The following PARP4 variants were observed in gnomAD, a reference collection of about 807,000 sequenced individuals.
The protein encoded by PARP4 is protein mono-ADP-ribosyltransferase PARP4.
In PARP4, 120 loss-of-function variants were observed where a neutral mutation model predicts 187.7. That is an observed-to-expected ratio of 0.64 (90% CI 0.55 to 0.74). PARP4 has a LOEUF of 0.74. Ranked by LOEUF, PARP4 falls within the 30% of genes least tolerant of loss-of-function variation. The probability of loss-of-function intolerance (pLI) is 0.00; values close to 1 mark genes in which losing one functional copy is unlikely to be tolerated. For missense variants in PARP4, 1,836 were observed against 2,070.5 expected (o/e 0.89, Z 2.20); for synonymous variants, 654 against 740.9 (o/e 0.88, Z 1.90).
chr13:24,449,445 T>C (rs187342076), intron 25 of PARP4, among the ~76,000 whole-genome samples: 50 of 150,412 alleles, frequency 3.3e-4, no homozygotes, highest in Admixed American at 3.3e-3. Context: ...AAGGAAACAA[T>C]TTCAGCAAAA....
At chr13:24,426,363 A>G in intron 33 of PARP4, 103 bp downstream of exon 33, 1 of 875,382 alleles carries the variant, frequency 1.1e-6, no homozygotes, top group Non-Finnish European at 1.8e-6. Context: ...CTACATACTT[A>G]TAGTGTACAC....
intron 10 of PARP4, among the ~76,000 whole-genome samples, chr13:24,489,397 C>CAGG (rs1296618976): frequency 6.6e-6 from 1 of 152,044 alleles, no homozygotes; most frequent in Non-Finnish European, 1.5e-5. Flanking sequence ...ATCACAAGGT[C>CAGG]AGGAGATCAA....
intron 33 of PARP4, among the ~76,000 whole-genome samples, chr13:24,426,058 TAAACTAC>T (rs1264933631): frequency 6.6e-6 from 1 of 152,240 alleles, no homozygotes; most frequent in African/African-American, 2.4e-5. Flanking sequence ...ACACTTGTTA[TAAACTAC>T]AAAGTTATAA....
chr13:24,433,654 C>G (rs1870457277), intron 31 of PARP4, among the ~76,000 whole-genome samples: 1 of 152,098 alleles, frequency 6.6e-6, no homozygotes, highest in African/African-American at 2.4e-5. Context: ...TGTGATTATC[C>G]TGTTTAAATC....
At chr13:24,511,976 G>C (rs975338259) in intron 1 of PARP4, among the ~76,000 whole-genome samples, 3 of 152,168 alleles carry the variant, frequency 2.0e-5, no homozygotes, top group Admixed American at 2.0e-4. Context: ...CTTAATAAAT[G>C]ATAAAGTCAG....
At chr13:24,503,526 C>T in intron 2 of PARP4, 119 bp downstream of exon 2, 2 of 1,232,282 alleles carry the variant, frequency 1.6e-6, no homozygotes, top group Non-Finnish European at 2.3e-6. Context: ...TCCTGATGAA[C>T]TTCGAGTAGC....
intron 23 of PARP4, among the ~76,000 whole-genome samples, chr13:24,452,938 A>T (rs1871604830): frequency 6.6e-6 from 1 of 150,490 alleles, no homozygotes; most frequent in African/African-American, 2.5e-5. Context: ...CATTTTATTT[A>T]TTTTTTTTTT....
chr13:24,495,272 G>T (rs1868883308), intron 6 of PARP4, among the ~76,000 whole-genome samples: 1 of 152,082 alleles, frequency 6.6e-6, no homozygotes, highest in Non-Finnish European at 1.5e-5. Flanking sequence ...TTGTTTCACT[G>T]GAGAGTTACT....
chr13:24,486,083 A>G, intron 11 of PARP4, 85 bp downstream of exon 11: 3 of 1,246,702 alleles, frequency 2.4e-6, no homozygotes, highest in Non-Finnish European at 3.4e-6. Context: ...CTCACGTAAT[A>G]TAGAAAAAAG....
At chr13:24,497,390 G>C (rs73154375) in intron 6 of PARP4, among the ~76,000 whole-genome samples, 12,014 of 152,206 alleles carry the variant, frequency 0.079, 648 homozygotes, top group Non-Finnish European at 0.12. Context: ...GTCAGCCCTA[G>C]TCGATTGCTT....
intron 15 of PARP4, 132 bp from the exon 16 acceptor site, chr13:24,470,157 C>A: frequency 1.3e-6 from 1 of 781,764 alleles, no homozygotes; most frequent in Non-Finnish European, 2.0e-6. Flanking sequence ...CTCAAATTCC[C>A]AACCCTGGCT....
chr13:24,422,793 G>A (rs1194172511), intron 33 of PARP4, among the ~76,000 whole-genome samples: 7 of 151,960 alleles, frequency 4.6e-5, no homozygotes, highest in Admixed American at 3.3e-4. Context: ...ATTTTTAGTA[G>A]AGACGGGGTT....
Position 24,460,003 on chromosome 13 carries a change from T to C in PARP4, c.2267A>G (p.Gln756Arg). The change falls in exon 18 of 34, where the codon CAA becomes CGA. Residue 756 changes from glutamine to arginine, a missense_variant. Transcript: ENST00000381989. ...FFMPATVAPW[Q>R]QDKALNENLQ... ...GTTTTCATTCAAAGCCTTGTCCTGT[T>C]GCCAGGGTGCTACGGTGGCGGGCAT... The C allele has an allele frequency of 6.2e-7, 1 of 1,614,136 alleles. No individual in the cohort carries two copies. Among genetic ancestry groups the C allele is most frequent in the Non-Finnish European group, 8.5e-7 (1 of 1,179,994 alleles).
At chr13:24,500,854 G>T (rs1050777408) in intron 3 of PARP4, among the ~76,000 whole-genome samples, 1 of 152,192 alleles carries the variant, frequency 6.6e-6, no homozygotes, top group African/African-American at 2.4e-5. Context: ...ATAACTCAAT[G>T]TGAGGACTTC....
intron 17 of PARP4, among the ~76,000 whole-genome samples, chr13:24,466,108 G>A (rs1349787495): frequency 1.3e-5 from 2 of 152,188 alleles, no homozygotes; most frequent in African/African-American, 4.8e-5. Context: ...ATATTTAAAT[G>A]TAAATATACA....
At chr13:24,476,132 TTTC>T (rs536575859) in intron 14 of PARP4, among the ~76,000 whole-genome samples, 281 of 152,084 alleles carry the variant, frequency 1.8e-3, no homozygotes, top group African/African-American at 6.6e-3. Context: ...TAAATTTTTT[TTTC>T]TTCTTTTCTT....
In PARP4 at chr13:24,452,303, C is replaced by T. The variant is rs1871561468; in HGVS notation, c.3014+103G>A. The T allele has an allele frequency of 5.5e-6, 5 of 909,974 alleles. No individual in the cohort carries two copies. The Admixed American group carries it at 1.2e-4, about 21-fold the overall frequency. 56.4% of individuals were successfully genotyped at this position (909,974 alleles called of 1,614,324 possible). A position where few individuals can be genotyped will look rare whatever the true frequency, so the allele number is the denominator to read the frequency against. Reference sequence around the variant, plus strand: ...CCCATCCCTCTATGCTGTAAGGCTTCTGTATTCTAGTGTCAACTTCCAAGC... The same window carrying T: ...CCCATCCCTCTATGCTGTAAGGCTTTTGTATTCTAGTGTCAACTTCCAAGC... On this transcript the variant is annotated intron_variant, in intron 24 of 33. Coordinates refer to ENST00000381989, the MANE Select transcript of PARP4 (RefSeq NM_006437.4).
At chr13:24,488,622 G>A (rs1328697795) in intron 10 of PARP4, among the ~76,000 whole-genome samples, 1 of 152,090 alleles carries the variant, frequency 6.6e-6, no homozygotes, top group African/African-American at 2.4e-5. Flanking sequence ...CCAAAGTGCT[G>A]GAATTACAGG....
intron 27 of PARP4, 121 bp from the exon 28 acceptor site, chr13:24,443,851 T>C: frequency 5.8e-6 from 4 of 691,362 alleles, no homozygotes; most frequent in Non-Finnish European, 1.0e-5. Context: ...TCCTCTTAAA[T>C]ACACAGTTTG....
Sources: allele counts gnomAD v4.1 joint callset (sites outside exome capture counted in the v4.1 genomes callset), GRCh38; gene constraint gnomAD v4.1.1; transcripts MANE v1.5; gene names NCBI Gene and HGNC (gene_info 2026-07-23, HGNC 2026-07-21).